The following CPVL variants were observed in gnomAD, a reference collection of about 807,000 sequenced individuals.
The protein encoded by CPVL is probable serine carboxypeptidase CPVL.
A neutral mutation model predicts 63.7 loss-of-function variants in CPVL; 51 were observed. The ratio of observed to expected loss-of-function variants is 0.80; its 90% CI spans 0.64 to 1.01. CPVL has a LOEUF of 1.01. Among genes scored for constraint, CPVL ranks in the 50% least tolerant of loss-of-function variants. CPVL has a pLI of 0.00. For synonymous variants in CPVL, 195 were observed against 206.0 expected (o/e 0.95, Z 0.46); for missense variants, 530 against 573.1 (o/e 0.92, Z 0.77).
intron 7 of CPVL, among the ~76,000 whole-genome samples, chr7:29,078,767 T>C (rs187672892): frequency 6.6e-6 from 1 of 152,364 alleles, no homozygotes; most frequent in African/African-American, 2.4e-5. Flanking sequence ...GATTTGGATA[T>C]GCTGTCCAAA....
intron 12 of CPVL, among the ~76,000 whole-genome samples, chr7:29,026,059 A>G (rs1207497462): frequency 6.6e-6 from 1 of 152,208 alleles, no homozygotes; most frequent in African/African-American, 2.4e-5. Flanking sequence ...AGGACAGATC[A>G]CTTGTTATGC....
At position 29,112,604 on chromosome 7, in the gene CPVL, GA is replaced by G. The variant is rs887622172; in HGVS notation, c.288+99del. ...TCTTATTTTTAGAAAAAATCTATGA[GA>G]TTTTTTTTTAAAGACCTGTAGCTCG... is the stretch of plus-strand genomic sequence containing the variant. On this transcript the variant is annotated intron_variant, in intron 3 of 12. Transcript: ENST00000265394. 2.2e-4 allele frequency: 159 copies of G among 727,780 alleles called. 1 individual carries two copies. The highest frequency in any genetic ancestry group is 7.0e-4 in the East Asian group (28 of 39,918). 45.1% of individuals were successfully genotyped at this position (727,780 alleles called of 1,614,324 possible).
At chr7:29,022,622 G>A (rs1217918421) in intron 12 of CPVL, among the ~76,000 whole-genome samples, 2 of 152,198 alleles carry the variant, frequency 1.3e-5, no homozygotes, top group African/African-American at 2.4e-5. Context: ...CTATGGAGCT[G>A]ACAATGGGCC....
chr7:29,126,323 T>C (rs1790020030), intron 1 of CPVL: 1 of 152,222 alleles, frequency 6.6e-6, no homozygotes, highest in South Asian at 2.1e-4. Flanking sequence ...GCCTTCTTTT[T>C]TTCAGACTGC....
chr7:29,126,603 T>A (rs1403723798), intron 1 of CPVL: 1 of 152,208 alleles, frequency 6.6e-6, no homozygotes, highest in Admixed American at 6.5e-5. Flanking sequence ...ACCTGCAGGA[T>A]GAGGACAAAC....
chr7:29,138,108 T>C (rs1383740617), intron 1 of CPVL, among the ~76,000 whole-genome samples: 1 of 152,140 alleles, frequency 6.6e-6, no homozygotes, highest in Non-Finnish European at 1.5e-5. Context: ...GGCTGGAAAC[T>C]AGTAATAATA....
intron 12 of CPVL, chr7:29,012,185 T>G (rs929856591): frequency 1.3e-5 from 2 of 152,206 alleles, no homozygotes; most frequent in African/African-American, 4.8e-5. Flanking sequence ...CACTTTTTTT[T>G]TCTTTGCTTT....
Position 29,032,938 on chromosome 7 carries a change from T to G in CPVL, c.1138-2179A>C, listed in dbSNP as rs148563128. On this transcript the variant is annotated intron_variant, in intron 11 of 12. Coordinates refer to ENST00000265394, the MANE Select transcript of CPVL (RefSeq NM_031311.5). The stretch of plus-strand genomic sequence containing the variant: ...ACATGGAATGAGGACCATCCCTGAG[T>G]TGTTAGTCAAGACTTATCTTGTTAG... Among the ~76,000 whole-genome samples the G allele has an allele frequency of 2.8e-3, 433 of 152,226 alleles. 1 individual carries two copies. Among genetic ancestry groups the G allele is most frequent in the African/African-American group, 9.9e-3 (410 of 41,518 alleles).
chr7:29,182,479 A>G (rs957316465), intron 4 of CPVL, among the ~76,000 whole-genome samples: 3 of 152,350 alleles, frequency 2.0e-5, no homozygotes, highest in Admixed American at 1.3e-4. Flanking sequence ...AGACATTTTC[A>G]TAAGTCCTGC....
At chr7:28,999,324 G>C (rs1156949902) in intron 12 of CPVL, among the ~76,000 whole-genome samples, 1 of 152,212 alleles carries the variant, frequency 6.6e-6, no homozygotes, top group Non-Finnish European at 1.5e-5. Context: ...CAATTCGGAA[G>C]GTCCAGGGCA....
chr7:28,995,957 A>T, intron 12 of CPVL, 75 bp from the exon 13 acceptor site: 1 of 816,468 alleles, frequency 1.2e-6, no homozygotes, highest in Non-Finnish European at 1.9e-6. Flanking sequence ...TTTCATTCAG[A>T]TTAAACTCTA....
chr7:29,007,752 A>AAC (rs70977090), intron 12 of CPVL, among the ~76,000 whole-genome samples: 55,601 of 149,866 alleles, frequency 0.37, 10,266 homozygotes, highest in Middle Eastern at 0.43. Context: ...GTAGTATTAA[A>AAC]ACACACACAC....
At position 29,146,445 on chromosome 7, in the gene CPVL, TCCTC is replaced by T. The variant is rs1269888093; in HGVS notation, c.-31_-28del. ...GGCACTTACGCGGCGCAGTCGGTGCTCCTCCCTGAGCCGCGGCGCGCAAGGACCC... is the reference window on the plus strand; with the variant it reads ...GGCACTTACGCGGCGCAGTCGGTGCTCCTGAGCCGCGGCGCGCAAGGACCC... On this transcript the variant is annotated 5_prime_UTR_variant, in exon 1 of 13. Coordinates refer to ENST00000265394, the MANE Select transcript of CPVL (RefSeq NM_031311.5). 7.7e-7 allele frequency: 1 copy of T among 1,305,144 alleles called. No homozygotes were observed. Among genetic ancestry groups the T allele is most frequent in the Non-Finnish European group, 1.0e-6 (1 of 978,872 alleles). The allele number at this position is 1,305,144 out of a possible 1,614,324, so 80.8% of individuals were successfully genotyped here. A position where few individuals can be genotyped will look rare whatever the true frequency, so the allele number is the denominator to read the frequency against.
chr7:29,050,757 T>C (rs891897525), intron 11 of CPVL, among the ~76,000 whole-genome samples: 4 of 150,254 alleles, frequency 2.7e-5, no homozygotes, highest in African/African-American at 7.4e-5. Context: ...AAAATTCATA[T>C]GGAACAACAA....
intron 1 of CPVL, among the ~76,000 whole-genome samples, chr7:29,190,707 T>C (rs1782779844): frequency 6.6e-6 from 1 of 152,194 alleles, no homozygotes; most frequent in Non-Finnish European, 1.5e-5. Context: ...GACCGTCAAG[T>C]TCTTTCTTTT....
chr7:29,096,668 C>T (rs11768067), intron 3 of CPVL, among the ~76,000 whole-genome samples: 24,024 of 152,078 alleles, frequency 0.16, 2,151 homozygotes, highest in East Asian at 0.37. Context: ...AGCCCAAACG[C>T]CTTTCTGATT....
At chr7:29,189,236 G>A (rs1799102546) in intron 1 of CPVL, among the ~76,000 whole-genome samples, 1 of 152,098 alleles carries the variant, frequency 6.6e-6, no homozygotes, top group African/African-American at 2.4e-5. Flanking sequence ...ACAGGTGTGA[G>A]CCACCGCGCC....
chr7:29,108,271 T>C (rs1787921461), intron 3 of CPVL, among the ~76,000 whole-genome samples: 1 of 152,386 alleles, frequency 6.6e-6, no homozygotes, highest in African/African-American at 2.4e-5. Context: ...GCATTTGAGG[T>C]AACTGATCTG....
intron 7 of CPVL, among the ~76,000 whole-genome samples, chr7:29,085,231 A>T (rs775576513): frequency 4.6e-5 from 7 of 152,334 alleles, no homozygotes; most frequent in East Asian, 3.9e-4. Context: ...AAAGTACAAG[A>T]AGTACAAGAT....
Sources: gnomAD v4.1 joint callset for allele counts (sites outside exome capture counted in the v4.1 genomes callset) on GRCh38, gnomAD v4.1.1 for gene constraint, MANE v1.5 for transcripts, NCBI Gene and HGNC (gene_info 2026-07-23, HGNC 2026-07-21) for gene names.